The following BRCA1 variants were observed in gnomAD, a reference collection of about 807,000 sequenced individuals.
BRCA1 encodes BRCA1 DNA repair associated.
In BRCA1, 140 loss-of-function variants were observed where a neutral mutation model predicts 173.7. That is an observed-to-expected ratio of 0.81 (90% CI 0.70 to 0.93). BRCA1 has a LOEUF of 0.93. BRCA1 is among the 40% of genes least tolerant of loss of function. BRCA1 has a pLI of 0.00. For missense variants in BRCA1, 1,983 were observed against 2,172.5 expected (o/e 0.91, Z 1.73); for synonymous variants, 662 against 756.0 (o/e 0.88, Z 2.04).
chr17:43,086,537 T>A (rs986254870), intron 11 of BRCA1, among the ~76,000 whole-genome samples: 1 of 152,184 alleles, frequency 6.6e-6, no homozygotes, highest in African/African-American at 2.4e-5. Flanking sequence ...GAAATCTGAC[T>A]TCAACGGTTT....
chr17:43,143,978 T>C (rs1356850140), intron 1 of BRCA1, among the ~76,000 whole-genome samples: 1 of 152,100 alleles, frequency 6.6e-6, no homozygotes, highest in Non-Finnish European at 1.5e-5. Context: ...CCCAGCACTT[T>C]GGGAGGCTGA....
At chr17:43,116,499 A>G (rs1411614714) in intron 2 of BRCA1, among the ~76,000 whole-genome samples, 1 of 152,188 alleles carries the variant, frequency 6.6e-6, no homozygotes, top group East Asian at 1.9e-4. Flanking sequence ...TACAGGCATG[A>G]GCCAACACAC....
At chr17:43,053,415 C>T (rs1422129194) in intron 19 of BRCA1, among the ~76,000 whole-genome samples, 1 of 152,200 alleles carries the variant, frequency 6.6e-6, no homozygotes, top group Non-Finnish European at 1.5e-5. Flanking sequence ...GTAATCCCAG[C>T]ACTTTGGGAG....
chr17:43,129,197 A>G (rs2055943897), upstream of BRCA1, among the ~76,000 whole-genome samples: 3 of 152,244 alleles, frequency 2.0e-5, no homozygotes, highest in African/African-American at 7.2e-5. Context: ...CTGTAGACCT[A>G]AGGAGCAGGT....
Position 43,045,162 on chromosome 17 carries a change from T to G in BRCA1, c.*516A>C. ...CAGAATTTCCTCCCCAATGTTCCAC[T>G]CCAACATTTGAGAACTGCCCAAGGA... On this transcript the variant is annotated 3_prime_UTR_variant, in exon 23 of 23. Coordinates refer to ENST00000357654, the MANE Select transcript of BRCA1 (RefSeq NM_007294.4). The G allele has an allele frequency of 1.9e-6, 1 of 535,282 alleles. No homozygotes were observed. The highest frequency in any genetic ancestry group is 3.6e-6 in the Non-Finnish European group (1 of 276,996). The allele number at this position is 535,282 out of a possible 1,614,324, so 33.2% of individuals were successfully genotyped here.
Position 43,145,124 on chromosome 17 carries a change from G to C in BRCA1, c.-19-21009C>G, listed in dbSNP as rs533622612. The C allele has an allele frequency of 1.8e-3, 1,253 of 714,776 alleles. 2 individuals carry two copies. The highest frequency in any genetic ancestry group is 2.8e-3 in the Non-Finnish European group (1,052 of 376,868). 44.3% of individuals were successfully genotyped at this position (714,776 alleles called of 1,614,324 possible). The stretch of plus-strand genomic sequence containing the variant: ...AAAAGTGCAAAAAAAGGGAAAAGGG[G>C]AGCAAAGGGAAAACAGGCCGAAGTG... On this transcript the variant is annotated intron_variant, in intron 1 of 7. Coordinates refer to the BRCA1 transcript ENST00000634433.
chr17:43,135,850 C>T (rs1176591330), intron 1 of BRCA1, among the ~76,000 whole-genome samples: 8 of 152,212 alleles, frequency 5.3e-5, no homozygotes, highest in East Asian at 3.9e-4. Flanking sequence ...AGGGTGGCAG[C>T]GTCCCCTTGA....
At chr17:43,063,178 C>T (rs1167556514) in intron 18 of BRCA1, among the ~76,000 whole-genome samples, 155 bp downstream of exon 18, 1 of 152,154 alleles carries the variant, frequency 6.6e-6, no homozygotes, top group Non-Finnish European at 1.5e-5. Flanking sequence ...GTATGAGCCA[C>T]AGTGCAGGCC....
At chr17:43,168,827 G>A (rs565303397) in intron 1 of BRCA1, among the ~76,000 whole-genome samples, 37 of 152,270 alleles carry the variant, frequency 2.4e-4, no homozygotes, top group African/African-American at 8.7e-4. Flanking sequence ...ACAGGGGAGT[G>A]ACTGACCGGG....
At chr17:43,050,236 T>A (rs567636286) in intron 20 of BRCA1, 1 of 397,060 alleles carries the variant, frequency 2.5e-6, no homozygotes, top group South Asian at 1.3e-4. Context: ...AAGGCCTTTG[T>A]GCTGCGCAAC....
intron 3 of BRCA1, among the ~76,000 whole-genome samples, chr17:43,110,743 G>A (rs544822119): frequency 1.3e-5 from 2 of 152,140 alleles, no homozygotes; most frequent in Non-Finnish European, 1.5e-5. Context: ...GGGAGGTGGA[G>A]GTGGGCGGAT....
At chr17:43,115,667 G>C (rs2154565122) in intron 3 of BRCA1, 59 bp downstream of exon 3, 3 of 1,521,410 alleles carry the variant, frequency 2.0e-6, no homozygotes, top group Non-Finnish European at 2.7e-6. Context: ...GTGTTTCCTG[G>C]GTTATGAAGG....
At chr17:43,136,448 A>G (rs2056024841) in intron 1 of BRCA1, among the ~76,000 whole-genome samples, 1 of 152,204 alleles carries the variant, frequency 6.6e-6, no homozygotes, top group Non-Finnish European at 1.5e-5. Flanking sequence ...ATCTAATTAA[A>G]CTAAAGAGCT....
Position 43,056,954 on chromosome 17 carries a change from A to G in BRCA1, c.5277+98T>C, listed in dbSNP as rs1597810191. ...GTATCTAGCACTGTGTATGTATGTA[A>G]TAAGTCTTACAAAATGAAGCGGCCC... On this transcript the variant is annotated intron_variant, in intron 19 of 22. Transcript: ENST00000357654. The G allele has an allele frequency of 1.8e-6, 2 of 1,099,784 alleles. No individual in the cohort carries two copies. The highest frequency in any genetic ancestry group is 4.0e-4 in the Middle Eastern group (2 of 5,022). The allele number at this position is 1,099,784 out of a possible 1,614,324, so 68.1% of individuals were successfully genotyped here.
At chr17:43,125,882 A>C (rs2055858460), upstream of BRCA1, 2 of 153,846 alleles carry the variant, frequency 1.3e-5, no homozygotes, top group Non-Finnish European at 2.9e-5. Flanking sequence ...CTGTAGTCTT[A>C]TGGAGAGGAA....
At chr17:43,048,810 GC>G (rs1241705725) in intron 21 of BRCA1, among the ~76,000 whole-genome samples, 2 of 151,916 alleles carry the variant, frequency 1.3e-5, no homozygotes, top group African/African-American at 4.8e-5. Context: ...GAGCCACCAT[GC>G]CCAGCCTCCA....
intron 3 of BRCA1, among the ~76,000 whole-genome samples, chr17:43,108,405 A>G (rs150470020): frequency 1.2e-4 from 18 of 151,536 alleles, no homozygotes; most frequent in Non-Finnish European, 2.5e-4. Context: ...TAGCCAGGTA[A>G]TTTAACATTT....
At chr17:43,143,086 A>G (rs112988728) in intron 1 of BRCA1, among the ~76,000 whole-genome samples, 1,975 of 149,158 alleles carry the variant, frequency 0.013, 48 homozygotes, top group African/African-American at 0.046. Flanking sequence ...GTGTGTGTGT[A>G]TATTTATTTA....
chr17:43,153,896 TAAG>T (rs1204072281), intron 1 of BRCA1, among the ~76,000 whole-genome samples: 1 of 152,156 alleles, frequency 6.6e-6, no homozygotes, highest in Non-Finnish European at 1.5e-5. Context: ...TAGAAAATAA[TAAG>T]CTTAAGGCTG....
Sources: allele counts gnomAD v4.1 joint callset (sites outside exome capture counted in the v4.1 genomes callset), GRCh38; gene constraint gnomAD v4.1.1; transcripts MANE v1.5; gene names NCBI Gene and HGNC (gene_info 2026-07-23, HGNC 2026-07-21).